NTM: variants seen among roughly 807,000 people sequenced by gnomAD.
NTM encodes neurotrimin, also known as IgLON family member 2.
Under a neutral mutation model 42.1 loss-of-function variants are expected in NTM, and 13 were observed. The ratio of observed to expected loss-of-function variants is 0.31; its 90% confidence interval spans 0.20 to 0.49. NTM has a LOEUF of 0.49. Ranked by LOEUF, NTM falls within the 20% of genes least tolerant of loss-of-function variation. The pLI is 0.99. For synonymous variants in NTM, 187 were observed against 179.2 expected (o/e 1.04, Z -0.35); for missense variants, 373 against 452.8 (o/e 0.82, Z 1.60).
At chr11:131,499,014 C>T (rs535085720) in intron 1 of NTM, among the ~76,000 whole-genome samples, 11 of 152,096 alleles carry the variant, frequency 7.2e-5, no homozygotes, top group South Asian at 2.1e-4. Context: ...AAGCATCCCC[C>T]GGGACATTCT....
chr11:131,601,464 A>G (rs2060479271), intron 1 of NTM, among the ~76,000 whole-genome samples: 1 of 152,242 alleles, frequency 6.6e-6, no homozygotes, highest in Non-Finnish European at 1.5e-5. Flanking sequence ...TTTGTTTAAG[A>G]CACTTTTGAA....
At chr11:132,245,935 T>C (rs995133395) in intron 4 of NTM, among the ~76,000 whole-genome samples, 1 of 152,174 alleles carries the variant, frequency 6.6e-6, no homozygotes, top group African/African-American at 2.4e-5. Context: ...TGATCTTCTC[T>C]ACTCATCCCA....
intron 2 of NTM, among the ~76,000 whole-genome samples, chr11:132,059,624 C>T (rs768967081): frequency 2.0e-5 from 3 of 152,100 alleles, no homozygotes; most frequent in Non-Finnish European, 4.4e-5. Flanking sequence ...TCAAGCCAAG[C>T]TGATGTCTAC....
At chr11:132,088,323 A>T (rs940395827) in intron 2 of NTM, among the ~76,000 whole-genome samples, 2 of 152,094 alleles carry the variant, frequency 1.3e-5, no homozygotes, top group Non-Finnish European at 2.9e-5. Context: ...AAAGGGAAAG[A>T]TATTTTTGGG....
chr11:131,396,763 G>T (rs1443724623), intron 1 of NTM, among the ~76,000 whole-genome samples: 1 of 151,920 alleles, frequency 6.6e-6, no homozygotes, highest in East Asian at 1.9e-4. Context: ...GAACACGGGG[G>T]ACGGAAGTTG....
In NTM at chr11:131,910,791, T is replaced by TGCCCCGCCGA. The variant is rs1280061189; in HGVS notation, c.83-763_83-754dup. ...CCTCCTCGGCCACCGCCGCAGCCCC[T>TGCCCCGCCGA]GCCCCGCCGAGCCCCGCCGGACAGC... On this transcript the variant is annotated intron_variant, in intron 1 of 8. Coordinates refer to ENST00000683400, the MANE Select transcript of NTM (RefSeq NM_001352005.2). 1.2e-4 allele frequency: 116 copies of TGCCCCGCCGA among 973,084 alleles called. 1 individual carries two copies. The Admixed American group carries it at 2.1e-3, about 18-fold the overall frequency. 60.3% of individuals were successfully genotyped at this position (973,084 alleles called of 1,614,324 possible).
In NTM at chr11:131,961,205, C is replaced by T. The variant is rs577766203; in HGVS notation, c.167+49557C>T. 2.0e-5 allele frequency among the ~76,000 whole-genome samples: 3 copies of T among 152,306 alleles called. No individual in the cohort carries two copies. In the East Asian group the frequency reaches 5.8e-4, roughly 29 times the overall value. The stretch of plus-strand genomic sequence containing the variant: ...AGCAGAAATCCTGAATTTGAAAAAA[C>T]CTTCATTGTTCCCTCCATTTATTTT... On this transcript the variant is annotated intron_variant, in intron 2 of 8. Coordinates refer to ENST00000683400, the MANE Select transcript of NTM (RefSeq NM_001352005.2).
At chr11:131,962,822 T>C (rs12269886) in intron 2 of NTM, among the ~76,000 whole-genome samples, 69,043 of 151,846 alleles carry the variant, frequency 0.45, 16,388 homozygotes, top group African/African-American at 0.58. Context: ...CCTCCCTCCT[T>C]CCACCCCAAG....
At chr11:131,446,957 C>T (rs375785914) in intron 1 of NTM, among the ~76,000 whole-genome samples, 1 of 152,144 alleles carries the variant, frequency 6.6e-6, no homozygotes, top group Non-Finnish European at 1.5e-5. Flanking sequence ...TAACTGTTAG[C>T]CTAACTGAAA....
rs75147564 is a variant in NTM at position 131,433,754 on chromosome 11, C to A, written c.82+62866C>A. ...GAAGATTTTAGGCCACTCTTTTTAT[C>A]CCTGCTATTTTGGAGTTTTCTTAGG... On this transcript the variant is annotated intron_variant, in intron 1 of 8. Transcript: ENST00000683400. Among the ~76,000 whole-genome samples, 1,425 of 152,010 alleles carry A rather than the reference C, an allele frequency of 9.4e-3. 21 individuals are homozygous for A. Among genetic ancestry groups the A allele is most frequent in the African/African-American group, 0.033 (1,376 of 41,458 alleles).
intron 2 of NTM, among the ~76,000 whole-genome samples, chr11:132,109,589 C>G (rs143320752): frequency 0.011 from 1,750 of 152,194 alleles, 36 homozygotes; most frequent in African/African-American, 0.04. Context: ...AAAATCCAGT[C>G]TACTTATCAA....
intron 2 of NTM, among the ~76,000 whole-genome samples, chr11:132,010,038 C>A (rs1258785932): frequency 1.3e-5 from 2 of 152,122 alleles, no homozygotes; most frequent in Non-Finnish European, 2.9e-5. Flanking sequence ...AATGGACAGA[C>A]AATTTCTTAA....
intron 1 of NTM, among the ~76,000 whole-genome samples, chr11:131,878,568 T>A (rs1356310696): frequency 6.2e-5 from 1 of 16,134 alleles, no homozygotes; most frequent in East Asian, 1.8e-3. Context: ...AGACTCCATC[T>A]CAAAAAAAAA....
At chr11:132,283,233 C>T (rs1459701918) in intron 4 of NTM, among the ~76,000 whole-genome samples, 2 of 152,086 alleles carry the variant, frequency 1.3e-5, no homozygotes, top group African/African-American at 4.8e-5. Context: ...GATCCACCTG[C>T]CTCAGCCTCC....
intron 2 of NTM, among the ~76,000 whole-genome samples, chr11:131,963,848 A>C (rs1369682076): frequency 6.6e-6 from 1 of 152,224 alleles, no homozygotes; most frequent in South Asian, 2.1e-4. Flanking sequence ...ACTTTGAGGT[A>C]GATACTGTGG....
intron 1 of NTM, among the ~76,000 whole-genome samples, chr11:131,646,200 C>T (rs1457448930): frequency 1.3e-5 from 2 of 152,174 alleles, no homozygotes; most frequent in African/African-American, 2.4e-5. Flanking sequence ...GTCATAAAAA[C>T]ACAGCCACAC....
intron 4 of NTM, among the ~76,000 whole-genome samples, chr11:132,246,910 C>T (rs1210811149): frequency 6.6e-6 from 1 of 152,226 alleles, no homozygotes; most frequent in Non-Finnish European, 1.5e-5. Flanking sequence ...TCATTCCCTG[C>T]CCTTGCTCCC....
At chr11:131,495,895 AAG>A (rs1380145270) in intron 1 of NTM, among the ~76,000 whole-genome samples, 1 of 152,202 alleles carries the variant, frequency 6.6e-6, no homozygotes, top group Non-Finnish European at 1.5e-5. Context: ...TTGCTAGCAA[AAG>A]AGACTGCTGG....
At chr11:132,190,026 T>G (rs2138232912) in intron 3 of NTM, among the ~76,000 whole-genome samples, 1 of 152,328 alleles carries the variant, frequency 6.6e-6, no homozygotes, top group Admixed American at 6.5e-5. Flanking sequence ...ATCAGAGTGG[T>G]TTGAACAAAG....
Sources: allele counts gnomAD v4.1 joint callset (sites outside exome capture counted in the v4.1 genomes callset), GRCh38; gene constraint gnomAD v4.1.1; transcripts MANE v1.5; gene names NCBI Gene and HGNC (gene_info 2026-07-23, HGNC 2026-07-21).